NCL: variants seen among roughly 807,000 people sequenced by gnomAD.
The protein encoded by NCL is nucleolin multifunctional protein.
Under a neutral mutation model 77.7 loss-of-function variants are expected in NCL, and 4 were observed. The ratio of observed to expected loss-of-function variants is 0.05; its 90% CI spans 0.03 to 0.12. The LOEUF is 0.12. NCL is among the 10% of genes least tolerant of loss of function. The probability of loss-of-function intolerance (pLI) is 1.00; values close to 1 mark genes in which losing one functional copy is unlikely to be tolerated. For missense variants in NCL, 763 were observed against 860.9 expected, an observed-to-expected ratio of 0.89 and a Z score of 1.42; for synonymous variants, 344 against 297.8, an observed-to-expected ratio of 1.16 and a Z score of -1.60.
rs1441223650 is a variant in NCL at position 231,461,669 on chromosome 2, C to T, written c.484G>A (p.Asp162Asn). 6.2e-7 allele frequency: 1 copy of T among 1,612,140 alleles called. No homozygotes were observed. Among genetic ancestry groups the T allele is most frequent in the Non-Finnish European group, 8.5e-7 (1 of 1,178,306 alleles). Residue 162 changes from aspartate to asparagine, a missense_variant, in exon 3 of 14, where the codon GAC (aspartate) becomes AAC (asparagine). Transcript: ENST00000322723. ...DSEEDEEDDE[D>N]EDEDEDEIEP... is the part of the protein sequence containing the mutation. ...ATTTCATCTTCATCCTCATCCTCGT[C>T]CTCGTCATCCTCCTCATCCTCCTCA...
In NCL at chr2:231,464,445, C is replaced by A; in HGVS notation, c.-92G>T. 6.6e-7 allele frequency: 1 copy of A among 1,511,672 alleles called. No homozygotes were observed. The highest frequency in any genetic ancestry group is 1.4e-5 in the African/African-American group (1 of 72,390). The allele number at this position is 1,511,672 out of a possible 1,614,324, so 93.6% of individuals were successfully genotyped here. On this transcript the variant is annotated 5_prime_UTR_variant, in exon 1 of 14. Coordinates refer to ENST00000322723, the MANE Select transcript of NCL (RefSeq NM_005381.3). ...TGGCGGCCGCGGGTGCTGAAGATCCCGGAGCACGTACACCCGAAGGCCAGC... is the reference window on the plus strand; with the variant it reads ...TGGCGGCCGCGGGTGCTGAAGATCCAGGAGCACGTACACCCGAAGGCCAGC...
In NCL at chr2:231,457,129, A is replaced by C; in HGVS notation, c.1448-5T>G. 1 of 1,613,714 alleles carries C rather than the reference A, an allele frequency of 6.2e-7. No homozygotes were observed. ...AAACCAGAGTTTTTGATTCACCTGC[A>C]AATAGAGATGCCACATTCCTAAGAC... On this transcript the variant is annotated splice_region_variant and splice_polypyrimidine_tract_variant and intron_variant, in intron 9 of 13. Transcript: ENST00000322723.
Position 231,464,344 on chromosome 2 carries a change from G to C in NCL, c.10C>G (p.Leu4Val). 1 of 1,600,726 alleles carries C rather than the reference G, an allele frequency of 6.2e-7. No homozygotes were observed. Among genetic ancestry groups the C allele is most frequent in the Non-Finnish European group, 8.5e-7 (1 of 1,173,530 alleles). MVK[L>V]AKAGKNQGDP... ...CGCTCAAGGCCGTTTACCTTCGCGA[G>C]CTTCACCATGATGGCGGCGGAGTGT... Residue 4 changes from leucine (L) to valine (V), a missense_variant, in exon 1 of 14, where the codon CTC becomes GTC. Around this residue, in one of 2 missense-constraint regions of NCL, gnomAD observed 590 missense variants for 570.5 expected, o/e 1.03. Transcript: ENST00000322723.
rs2046954378 is a variant in NCL, at chr2:231,461,787, A to G, written c.366T>C (p.Pro122=). ...ATPGKALVAT[P]GKKGAAIPAK... is the part of the protein sequence containing the mutation. Reference sequence around the variant, plus strand: ...CTGGGATGGCAGCACCCTTCTTACCAGGAGTTGCTACCAATGCTTTGCCTG... The same window carrying G: ...CTGGGATGGCAGCACCCTTCTTACCGGGAGTTGCTACCAATGCTTTGCCTG... The change falls in exon 3 of 14, where the codon CCT becomes CCC. Residue 122 remains proline (P), a synonymous_variant. Transcript: ENST00000322723. 2 of 1,614,102 alleles carry G rather than the reference A, an allele frequency of 1.2e-6. No individual in the cohort carries two copies. The highest frequency in any genetic ancestry group is 1.7e-6 in the Non-Finnish European group (2 of 1,179,988).
At chr2:231,461,273 T>C (rs1207687924) in intron 3 of NCL, among the ~76,000 whole-genome samples, 1 of 140,024 alleles carries the variant, frequency 7.1e-6, no homozygotes, top group East Asian at 2.1e-4. Flanking sequence ...AAAAGCTCCA[T>C]CTCAAAAAAA....
chr2:231,462,384 C>T (rs1575263835), intron 2 of NCL: 4 of 382,652 alleles, frequency 1.0e-5, no homozygotes, highest in Non-Finnish European at 2.0e-5. Flanking sequence ...GAACCTTACA[C>T]ATAGGAGGCT....
rs115548190 is a variant in NCL, at chr2:231,464,370, G to A, written c.-17C>T. 1.2e-4 allele frequency: 194 copies of A among 1,600,740 alleles called. No homozygotes were observed. The African/African-American group carries it at 2.4e-3, about 20-fold the overall frequency. On this transcript the variant is annotated 5_prime_UTR_variant, in exon 1 of 14. Transcript: ENST00000322723. ...CTTCACCATGATGGCGGCGGAGTGT[G>A]AAGCGGACAAGTGGCGCAGATGAGT...
rs1333263924 is a variant in NCL, at chr2:231,458,288, T to G, written c.1267A>C (p.Ser423Arg). 4 of 1,614,054 alleles carry G rather than the reference T, an allele frequency of 2.5e-6. No individual in the cohort carries two copies. Among genetic ancestry groups the G allele is most frequent in the Non-Finnish European group, 3.4e-6 (4 of 1,179,950 alleles). Residue 423 changes from serine (S) to arginine (R), a missense_variant, in exon 8 of 14, where the codon AGC becomes CGC. Physicochemically the swap from Ser to Arg is moderately radical, Grantham distance 110. Around this residue, in one of 2 missense-constraint regions of NCL, gnomAD observed 590 missense variants for 570.5 expected, o/e 1.03. Coordinates refer to ENST00000322723, the MANE Select transcript of NCL (RefSeq NM_005381.3). The stretch of plus-strand genomic sequence containing the variant: ...TACCCTTTACTTTTCCCATCCTTGC[T>G]GACTAATCTGATCTCCGCAGCATCT... Reference protein sequence around the residue: ...FEDAAEIRLVSKDGKSKGIAY... With the variant: ...FEDAAEIRLVRKDGKSKGIAY...
intron 2 of NCL, chr2:231,462,441 C>T (rs1256644844): frequency 9.5e-6 from 4 of 421,538 alleles, no homozygotes; most frequent in South Asian, 5.0e-5. Context: ...CAGTGGGTGG[C>T]GGTACCAAGC....
At chr2:231,455,800 G>C (rs773904559) in intron 12 of NCL, 176 bp from the exon 13 acceptor site, 6 of 1,136,618 alleles carry the variant, frequency 5.3e-6, no homozygotes, top group Non-Finnish European at 7.9e-6. Flanking sequence ...TTGAACCCCA[G>C]AATGTCTCAC....
chr2:231,458,941 CAT>C (rs778873849), intron 7 of NCL, 58 bp downstream of exon 7: 135 of 1,433,760 alleles, frequency 9.4e-5, no homozygotes, highest in Admixed American at 4.4e-4. Context: ...GGTTACAAAG[CAT>C]TTTCCCTAGC....
intron 2 of NCL, 150 bp from the exon 3 acceptor site, chr2:231,462,167 T>A: frequency 1.0e-6 from 1 of 1,004,466 alleles, no homozygotes; most frequent in Non-Finnish European, 1.5e-6. Context: ...CAGGCTTCTG[T>A]TATGTTGTCT....
intron 8 of NCL, 105 bp from the exon 9 acceptor site, chr2:231,457,905 C>T (rs1030978335): frequency 9.4e-7 from 1 of 1,062,410 alleles, no homozygotes; most frequent in Non-Finnish European, 1.3e-6. Flanking sequence ...CAATAAATGC[C>T]CTTAGTTTTA....
chr2:231,458,751 CTAA>C (rs2046917587), intron 7 of NCL: 11 of 439,400 alleles, frequency 2.5e-5, no homozygotes, highest in Non-Finnish European at 4.4e-5. Context: ...TTAGGTGCAT[CTAA>C]TAATTCTTGT....
chr2:231,460,729 C>T lies in NCL; in HGVS notation c.751G>A (p.Glu251Lys), dbSNP rs894327494. The T allele has an allele frequency of 2.5e-6, 4 of 1,597,136 alleles. No homozygotes were observed. The highest frequency in any genetic ancestry group is 2.2e-5 in the South Asian group (2 of 89,654). The change falls in exon 4 of 14, where the codon GAA becomes AAA. Residue 251 changes from glutamate (E) to lysine (K), a missense_variant. Physicochemically the swap from Glu to Lys is moderately conservative, Grantham distance 56. Transcript: ENST00000322723. Reference protein sequence around the residue: ...DDEDEDDDDDEDDEDDDDEDD... With the variant: ...DDEDEDDDDDKDDEDDDDEDD... The stretch of plus-strand genomic sequence containing the variant: ...TCATCATCATCATCTTCATCATCTT[C>T]GTCGTCGTCGTCATCCTCGTCCTCA...
intron 6 of NCL, among the ~76,000 whole-genome samples, chr2:231,459,853 G>C (rs971311419): frequency 1.3e-5 from 2 of 151,494 alleles, no homozygotes; most frequent in Non-Finnish European, 1.5e-5. Context: ...GTTGCAGTGA[G>C]CCAAGATTGC....
At chr2:231,457,404 G>T in intron 9 of NCL, 1 of 746,792 alleles carries the variant, frequency 1.3e-6, no homozygotes, top group Non-Finnish European at 2.4e-6. Flanking sequence ...TATAAAACAT[G>T]CCTACAAAGG....
intron 7 of NCL, 143 bp from the exon 8 acceptor site, chr2:231,458,532 TGGAG>T: frequency 2.8e-6 from 3 of 1,055,426 alleles, no homozygotes; most frequent in Non-Finnish European, 4.0e-6. Flanking sequence ...GTGCTAAATA[TGGAG>T]ATATAGCAGT....
chr2:231,455,763 C>T (rs752108662), intron 12 of NCL, 139 bp from the exon 13 acceptor site: 2 of 1,174,832 alleles, frequency 1.7e-6, no homozygotes, highest in Non-Finnish European at 2.5e-6. Flanking sequence ...GAGTAGCTCT[C>T]TATGGAAAAC....
Sources: gnomAD v4.1 joint callset for allele counts (sites outside exome capture counted in the v4.1 genomes callset) on GRCh38, gnomAD v4.1.1 for gene constraint, gnomAD v4.1.1 regional missense constraint, MANE v1.5 for transcripts, NCBI Gene and HGNC (gene_info 2026-07-23, HGNC 2026-07-21) for gene names.